RYR1: variants seen among roughly 807,000 people sequenced by gnomAD.
The protein encoded by RYR1 is ryanodine receptor 1, also known as central core disease of muscle.
Under a neutral mutation model 583.5 loss-of-function variants are expected in RYR1, and 342 were observed. That is an observed-to-expected ratio of 0.59 (90% CI 0.54 to 0.64). The LOEUF is 0.64. Ranked by LOEUF, RYR1 falls within the 30% of genes least tolerant of loss-of-function variation. The pLI, the probability that RYR1 is intolerant of heterozygous loss-of-function variation, is 0.00. For missense variants in RYR1, 6,032 were observed against 6,917.2 expected, an observed-to-expected ratio of 0.87 and a Z score of 4.54; for synonymous variants, 2,791 against 2,822.5, an observed-to-expected ratio of 0.99 and a Z score of 0.35.
intron 78 of RYR1, 40 bp downstream of exon 78, chr19:38,532,776 G>A: frequency 2.5e-6 from 4 of 1,589,920 alleles, no homozygotes; most frequent in East Asian, 4.5e-5. Flanking sequence ...AGGGATGGGG[G>A]ACCCTGACTG....
chr19:38,524,635 C>T (rs1018089654), intron 70 of RYR1, among the ~76,000 whole-genome samples: 6 of 152,246 alleles, frequency 3.9e-5, no homozygotes, highest in South Asian at 2.1e-4. Context: ...CTCCAGAACA[C>T]GGCTGTGGGA....
Position 38,505,002 on chromosome 19 carries a change from G to A in RYR1, c.8232-1G>A, listed in dbSNP as rs1355781735. On this transcript the variant is annotated splice_acceptor_variant, in intron 51 of 105. Coordinates refer to ENST00000359596, the MANE Select transcript of RYR1 (RefSeq NM_000540.3). LOFTEE classifies it high-confidence loss of function. ...ATCTGCTGACCCTGTGCCCCCAACA[G>A]TGTGATCATCCCGGAGAAGCTGGAC... 3 of 1,614,078 alleles carry A rather than the reference G, an allele frequency of 1.9e-6. No homozygotes were observed. The highest frequency in any genetic ancestry group is 2.5e-6 in the Non-Finnish European group (3 of 1,180,038).
rs141717554 is a variant in RYR1, at chr19:38,458,241, G to T, written c.2116G>T (p.Val706Phe). 6.2e-7 allele frequency: 1 copy of T among 1,614,050 alleles called. No individual in the cohort carries two copies. Among genetic ancestry groups the T allele is most frequent in the East Asian group, 2.2e-5 (1 of 44,872 alleles). The part of the protein sequence containing the change: ...GAGEGWGGNG[V>F]GDDLYSYGFD... ...CGGCGAGGGCTGGGGCGGCAACGGG[G>T]TCGGCGATGACCTCTATTCCTACGG... The change falls in exon 18 of 106, where the codon GTC (valine) becomes TTC (phenylalanine). Residue 706 changes from valine to phenylalanine, a missense_variant. Val to Phe is a conservative substitution (Grantham distance 50, BLOSUM62 -1). Around this residue, in one of 11 missense-constraint regions of RYR1, gnomAD observed 2,627 missense variants for 2,961.3 expected, o/e 0.89. Transcript: ENST00000359596.
chr19:38,572,736 C>G (rs1462782276), intron 95 of RYR1, among the ~76,000 whole-genome samples: 1 of 152,048 alleles, frequency 6.6e-6, no homozygotes, highest in Admixed American at 6.6e-5. Flanking sequence ...CCTGTTCTCA[C>G]ATCCTGGCCC....
intron 31 of RYR1, 144 bp from the exon 32 acceptor site, chr19:38,482,883 C>A: frequency 1.4e-6 from 1 of 738,998 alleles, no homozygotes. Flanking sequence ...AGAGGTGGGA[C>A]AGTCTAAGGG....
intron 2 of RYR1, 31 bp downstream of exon 2, chr19:38,440,895 CA>C: frequency 6.3e-7 from 1 of 1,599,692 alleles, no homozygotes; most frequent in Non-Finnish European, 8.5e-7. Context: ...GGCCTGGGGA[CA>C]GGGGCGTCTG....
intron 31 of RYR1, among the ~76,000 whole-genome samples, chr19:38,479,618 G>A (rs1968912094): frequency 6.6e-6 from 1 of 152,086 alleles, no homozygotes; most frequent in Non-Finnish European, 1.5e-5. Flanking sequence ...TCCTCATATT[G>A]TCCAGGCTGG....
Position 38,490,242 on chromosome 19 carries a change from G to A in RYR1, c.5981G>A (p.Arg1994His), listed in dbSNP as rs568165729. Residue 1994 changes from arginine to histidine, a missense_variant, in exon 36 of 106, where the codon CGT (arginine) becomes CAT (histidine). By Grantham distance (29) the Arg-to-His change is conservative (BLOSUM62 0). Coordinates refer to ENST00000359596, the MANE Select transcript of RYR1 (RefSeq NM_000540.3). ...ATGACCGCAGCAGAGACTGCAAGACGTACCCGCGAGTTCCGCTCCCCACCC... is the reference window on the plus strand; with the variant it reads ...ATGACCGCAGCAGAGACTGCAAGACATACCCGCGAGTTCCGCTCCCCACCC... Reference protein sequence around the residue: ...FSMTAAETARRTREFRSPPQE... With the variant: ...FSMTAAETARHTREFRSPPQE... 9.9e-6 allele frequency: 16 copies of A among 1,614,116 alleles called. No homozygotes were observed. The highest frequency in any genetic ancestry group is 5.3e-5 in the African/African-American group (4 of 75,056).
chr19:38,528,702 T>C lies in RYR1; in HGVS notation c.11034+7T>C, dbSNP rs371775703. 2.5e-6 allele frequency: 4 copies of C among 1,613,852 alleles called. No homozygotes were observed. In the African/African-American group the frequency reaches 4.0e-5, roughly 16 times the overall value. On this transcript the variant is annotated splice_region_variant and intron_variant, in intron 75 of 105. Coordinates refer to ENST00000359596, the MANE Select transcript of RYR1 (RefSeq NM_000540.3). Reference sequence around the variant, plus strand: ...CATGATAGATGACCTTTCAGTGAGCTGGGACCCGCCTGGGGGAGTGGGGGG... The same window carrying C: ...CATGATAGATGACCTTTCAGTGAGCCGGGACCCGCCTGGGGGAGTGGGGGG...
intron 1 of RYR1, 55 bp downstream of exon 1, chr19:38,433,929 GTC>G (rs1355156377): frequency 1.4e-6 from 2 of 1,456,398 alleles, no homozygotes; most frequent in African/African-American, 2.8e-5. Flanking sequence ...CTCTCTGAGG[GTC>G]TCTCTGTCTC....
rs757633413 is a variant in RYR1, at chr19:38,500,798, G to A, written c.7445-23G>A. ...GCGGCTGGGTCCGCAGGGCATCCCC[G>A]AACCCACCCTCCCTGCCTGCAGATG... On this transcript the variant is annotated intron_variant, in intron 46 of 105. Transcript: ENST00000359596. The surrounding 1 kb of genome is among the most constrained non-coding windows in gnomAD (Gnocchi z 5.9). The A allele has an allele frequency of 1.9e-5, 13 of 694,494 alleles. No individual in the cohort carries two copies. The highest frequency in any genetic ancestry group is 7.7e-5 in the Admixed American group (4 of 52,258). The allele number at this position is 694,494 out of a possible 1,614,324, so 43.0% of individuals were successfully genotyped here.
At position 38,502,898 on chromosome 19, in the gene RYR1, GC is replaced by G; in HGVS notation, c.7855del (p.Leu2619CysfsTer127). On this transcript the variant is annotated frameshift_variant, in exon 49 of 106. Transcript: ENST00000359596. LOFTEE classifies it high-confidence loss of function. ...CCCGCAGGTACATCCGCCCGTCGAT[GC>G]TGCAGCACCTGTTGCGCCGCCTGGT... ...SLCRYIRPSM[L>X]QHLLRRLVFD... The G allele has an allele frequency of 6.2e-7, 1 of 1,611,684 alleles. No individual in the cohort carries two copies. The highest frequency in any genetic ancestry group is 8.5e-7 in the Non-Finnish European group (1 of 1,179,982).
chr19:38,434,421 C>T (rs1972334200), intron 1 of RYR1, among the ~76,000 whole-genome samples: 3 of 152,090 alleles, frequency 2.0e-5, no homozygotes. Flanking sequence ...AGGAGGGCTG[C>T]TCCCAATGGC....
At chr19:38,488,731 C>T (rs540974442) in intron 34 of RYR1, among the ~76,000 whole-genome samples, 3 of 152,308 alleles carry the variant, frequency 2.0e-5, no homozygotes, top group East Asian at 1.9e-4. Flanking sequence ...TCTCGAACTC[C>T]TGGCCTCAAG....
In RYR1 at chr19:38,549,951, T is replaced by G. The variant is rs1438407321; in HGVS notation, c.12282+1531T>G. On this transcript the variant is annotated intron_variant, in intron 89 of 105. Transcript: ENST00000359596. ...TTGTATTTTTAGTAGAGATGGGATT[T>G]CACCATGTTGGCCAGGCTGGTCTTG... Among the ~76,000 whole-genome samples the G allele has an allele frequency of 6.6e-5, 10 of 150,584 alleles. No individual in the cohort carries two copies. In the East Asian group the frequency reaches 1.9e-3, roughly 29 times the overall value.
chr19:38,504,335 G>A lies in RYR1; in HGVS notation c.8042G>A (p.Gly2681Asp). Residue 2681 changes from glycine (G) to aspartate (D), a missense_variant, in exon 50 of 106, where the codon GGC (glycine) becomes GAC (aspartate). Around this residue, in one of 11 missense-constraint regions of RYR1, gnomAD observed 1,493 missense variants for 1,715.5 expected, o/e 0.87. Coordinates refer to ENST00000359596, the MANE Select transcript of RYR1 (RefSeq NM_000540.3). ...CACCTCACACGGAAACTCTTCTGGGGCATCTTTGACTCTCTGGCCCATAAG... is the reference window on the plus strand; with the variant it reads ...CACCTCACACGGAAACTCTTCTGGGACATCTTTGACTCTCTGGCCCATAAG... ...ELHLTRKLFWGIFDSLAHKKY... is the reference protein window; with the variant it reads ...ELHLTRKLFWDIFDSLAHKKY... 6.2e-7 allele frequency: 1 copy of A among 1,614,146 alleles called. No individual in the cohort carries two copies. The highest frequency in any genetic ancestry group is 8.5e-7 in the Non-Finnish European group (1 of 1,180,038).
chr19:38,509,454 T>A (rs1458566741), intron 58 of RYR1, among the ~76,000 whole-genome samples: 64 of 109,064 alleles, frequency 5.9e-4, no homozygotes, highest in South Asian at 2.7e-3. Flanking sequence ...ATTATTATTT[T>A]TTTTTTTTTT....
At chr19:38,480,926 C>G (rs1339890328) in intron 31 of RYR1, among the ~76,000 whole-genome samples, 1 of 151,958 alleles carries the variant, frequency 6.6e-6, no homozygotes, top group Non-Finnish European at 1.5e-5. Context: ...CGGGGTCTGG[C>G]TATATTGCCC....
chr19:38,528,355 C>A lies in RYR1; in HGVS notation c.10874C>A (p.Ser3625Tyr). 2 of 1,614,098 alleles carry A rather than the reference C, an allele frequency of 1.2e-6. No individual in the cohort carries two copies. The highest frequency in any genetic ancestry group is 1.7e-6 in the Non-Finnish European group (2 of 1,180,002). Residue 3625 changes from serine (S) to tyrosine (Y), a missense_variant, in exon 74 of 106, where the codon TCC (serine) becomes TAC (tyrosine). Physicochemically the swap from Ser to Tyr is moderately radical, Grantham distance 144 (BLOSUM62 -2). This residue lies in a region of RYR1 where 1,493 missense variants were observed against 1,715.5 expected (regional missense o/e 0.87). Transcript: ENST00000359596. Reference sequence around the variant, plus strand: ...AAGGCCGTGTGGCACAAGCTTTTGTCCAAACAGCGCCGGCGGGCAGTCGTG... The same window carrying A: ...AAGGCCGTGTGGCACAAGCTTTTGTACAAACAGCGCCGGCGGGCAGTCGTG... ...SKKAVWHKLL[S>Y]KQRRRAVVAC...
Sources: allele counts gnomAD v4.1 joint callset (sites outside exome capture counted in the v4.1 genomes callset), GRCh38; gene constraint gnomAD v4.1.1; regional missense constraint gnomAD v4.1.1; non-coding constraint Gnocchi (gnomAD v3.1); transcripts MANE v1.5; gene names NCBI Gene and HGNC (gene_info 2026-07-23, HGNC 2026-07-21).